The following FAM177A1 variants were observed in gnomAD, a reference collection of about 807,000 sequenced individuals.
FAM177A1 encodes family with sequence similarity 177 member A1.
A neutral mutation model predicts 26.1 loss-of-function variants in FAM177A1; 22 were observed. The ratio of observed to expected loss-of-function variants is 0.84; its 90% CI spans 0.60 to 1.20. The LOEUF (loss-of-function observed/expected upper bound fraction) is 1.20, where lower values mean the gene tolerates loss of function less well. Ranked by LOEUF, FAM177A1 falls within the 50% of genes most tolerant of loss-of-function variation. The pLI, the probability that FAM177A1 is intolerant of heterozygous loss-of-function variation, is 0.00. For missense variants in FAM177A1, 296 were observed against 291.1 expected, an observed-to-expected ratio of 1.02 and a Z score of -0.12; for synonymous variants, 95 against 99.3, an observed-to-expected ratio of 0.96 and a Z score of 0.26.
chr14:35,063,142 AGAGT>A (rs1283171679), intron 2 of FAM177A1, among the ~76,000 whole-genome samples: 1 of 141,864 alleles, frequency 7.0e-6, no homozygotes, highest in Non-Finnish European at 1.5e-5. Flanking sequence ...GCCTGGCAAC[AGAGT>A]GAGACTCCAT....
At chr14:35,047,697 CG>C (rs1566665001) in intron 1 of FAM177A1, among the ~76,000 whole-genome samples, 1 of 151,966 alleles carries the variant, frequency 6.6e-6, no homozygotes, top group Non-Finnish European at 1.5e-5. Context: ...TGCAGTGAGC[CG>C]AGATCACGCC....
chr14:35,058,575 G>GT (rs1286590265), intron 2 of FAM177A1, among the ~76,000 whole-genome samples: 2 of 151,688 alleles, frequency 1.3e-5, no homozygotes, highest in African/African-American at 4.8e-5. Context: ...TACGTTTTTT[G>GT]TTTTCAAGTC....
chr14:35,066,406 C>CTTT (rs530069165), intron 2 of FAM177A1, among the ~76,000 whole-genome samples: 2 of 126,052 alleles, frequency 1.6e-5, no homozygotes, highest in African/African-American at 3.0e-5. Flanking sequence ...AAAAGAGCAT[C>CTTT]TTTTTTTTTT....
At chr14:35,048,266 C>T (rs553032273) in intron 1 of FAM177A1, among the ~76,000 whole-genome samples, 65 of 152,256 alleles carry the variant, frequency 4.3e-4, no homozygotes, top group African/African-American at 1.5e-3. Context: ...TTTTTAAAAT[C>T]ACTACCTCCG....
At chr14:35,062,737 T>G (rs890057269) in intron 2 of FAM177A1, among the ~76,000 whole-genome samples, 1 of 149,770 alleles carries the variant, frequency 6.7e-6, no homozygotes, top group Non-Finnish European at 1.5e-5. Flanking sequence ...AAGGCTGCAG[T>G]GAGCCATGAT....
At chr14:35,055,021 G>T (rs1199933822) in intron 2 of FAM177A1, 1 of 151,330 alleles carries the variant, frequency 6.6e-6, no homozygotes, top group Non-Finnish European at 1.5e-5. Flanking sequence ...TGATAAGCAG[G>T]CCAGGAGCAA....
chr14:35,048,674 A>G (rs1233715350), intron 1 of FAM177A1, among the ~76,000 whole-genome samples: 2 of 151,924 alleles, frequency 1.3e-5, no homozygotes, highest in Non-Finnish European at 2.9e-5. Flanking sequence ...TGAATCAGAA[A>G]CATCTTTGGG....
At chr14:35,049,221 C>T (rs1269000260) in intron 1 of FAM177A1, among the ~76,000 whole-genome samples, 1 of 152,080 alleles carries the variant, frequency 6.6e-6, no homozygotes. Flanking sequence ...CCAGCAGCTT[C>T]TCTGAATAGA....
In FAM177A1 at chr14:35,081,393, A is replaced by G. The variant is rs2045482309; in HGVS notation, c.*165A>G. On this transcript the variant is annotated 3_prime_UTR_variant, in exon 5 of 5. Transcript: ENST00000280987. ...TTCATTTTTAGGATCTATCTAGCAA[A>G]AGCCAGATCTGAAATTCAGATATTT... is the stretch of plus-strand genomic sequence containing the variant. The G allele has an allele frequency of 1.5e-6, 1 of 659,184 alleles. No individual in the cohort carries two copies. Among genetic ancestry groups the G allele is most frequent in the Non-Finnish European group, 2.3e-6 (1 of 425,968 alleles). The allele number at this position is 659,184 out of a possible 1,614,324, so 40.8% of individuals were successfully genotyped here.
intron 2 of FAM177A1, among the ~76,000 whole-genome samples, chr14:35,060,967 A>G (rs1352317085): frequency 1.3e-5 from 2 of 152,202 alleles, no homozygotes; most frequent in African/African-American, 4.8e-5. Context: ...GACCACATTC[A>G]TATAACTATT....
chr14:35,062,653 G>A (rs984362558), intron 2 of FAM177A1, among the ~76,000 whole-genome samples: 2 of 151,996 alleles, frequency 1.3e-5, no homozygotes, highest in Non-Finnish European at 2.9e-5. Context: ...TGACTTGGCT[G>A]AGCACAGTGC....
At chr14:35,047,676 G>T (rs2044891346) in intron 1 of FAM177A1, among the ~76,000 whole-genome samples, 1 of 152,224 alleles carries the variant, frequency 6.6e-6, no homozygotes, top group East Asian at 1.9e-4. Context: ...TTGAACCCTG[G>T]AGGTGGAGGT....
At position 35,081,277 on chromosome 14, in the gene FAM177A1, A is replaced by G; in HGVS notation, c.*49A>G. ...AACTCTTAAGTTTTTTTTTTTTAAT[A>G]CAAAAACTTTCACATTCTTTATTCA... On this transcript the variant is annotated 3_prime_UTR_variant, in exon 5 of 5. Transcript: ENST00000280987. The G allele has an allele frequency of 6.5e-7, 1 of 1,532,360 alleles. No individual in the cohort carries two copies. The highest frequency in any genetic ancestry group is 8.8e-7 in the Non-Finnish European group (1 of 1,139,646). 94.9% of individuals were successfully genotyped at this position (1,532,360 alleles called of 1,614,324 possible). A position where few individuals can be genotyped will look rare whatever the true frequency, so the allele number is the denominator to read the frequency against.
chr14:35,048,978 C>T (rs983726221), intron 1 of FAM177A1, among the ~76,000 whole-genome samples: 7 of 151,760 alleles, frequency 4.6e-5, no homozygotes, highest in Non-Finnish European at 7.4e-5. Context: ...GCAACCTCCA[C>T]CTCCCGGGTT....
At chr14:35,064,798 C>T (rs893719912) in intron 2 of FAM177A1, among the ~76,000 whole-genome samples, 1 of 151,956 alleles carries the variant, frequency 6.6e-6, no homozygotes, top group Non-Finnish European at 1.5e-5. Context: ...AATGCAGGCA[C>T]CCGCCACCAT....
intron 2 of FAM177A1, among the ~76,000 whole-genome samples, chr14:35,070,636 A>C (rs1247079184): frequency 6.6e-6 from 1 of 151,862 alleles, no homozygotes; most frequent in Admixed American, 6.6e-5. Flanking sequence ...CGGAGCTACA[A>C]GTTAATGGAC....
chr14:35,053,940 C>T (rs371738023), intron 2 of FAM177A1, among the ~76,000 whole-genome samples: 2 of 152,228 alleles, frequency 1.3e-5, no homozygotes, highest in East Asian at 1.9e-4. Flanking sequence ...TTGCGGTGAA[C>T]CAAGGTTATG....
intron 2 of FAM177A1, among the ~76,000 whole-genome samples, chr14:35,075,554 C>T (rs2045381742): frequency 6.6e-6 from 1 of 152,088 alleles, no homozygotes; most frequent in Non-Finnish European, 1.5e-5. Context: ...GACTTCATGA[C>T]TAAAACACCA....
At chr14:35,067,399 A>G (rs2138553418) in intron 2 of FAM177A1, among the ~76,000 whole-genome samples, 1 of 152,320 alleles carries the variant, frequency 6.6e-6, no homozygotes, top group East Asian at 1.9e-4. Context: ...CATTTTGTAT[A>G]TATGTCACAT....
Sources: gnomAD v4.1 joint callset for allele counts (sites outside exome capture counted in the v4.1 genomes callset) on GRCh38, gnomAD v4.1.1 for gene constraint, MANE v1.5 for transcripts, NCBI Gene and HGNC (gene_info 2026-07-23, HGNC 2026-07-21) for gene names.